Variants in PTPRR observed in about 807,000 individuals in gnomAD.
The protein encoded by PTPRR is receptor-type tyrosine-protein phosphatase R.
PTPRR carries 38 observed loss-of-function variants against 77.2 expected under a neutral mutation model. The observed-to-expected ratio is 0.49, with a 90% CI of 0.38 to 0.65. The LOEUF (loss-of-function observed/expected upper bound fraction) is 0.65. Ranked by LOEUF, PTPRR falls within the 30% of genes least tolerant of loss-of-function variation. PTPRR has a pLI of 0.00. For missense variants in PTPRR, 744 were observed against 799.2 expected (o/e 0.93, Z 0.83); for synonymous variants, 299 against 283.1 (o/e 1.06, Z -0.57).
At chr12:70,688,787 G>A (rs1269487724) in intron 8 of PTPRR, among the ~76,000 whole-genome samples, 1 of 152,146 alleles carries the variant, frequency 6.6e-6, no homozygotes, top group Non-Finnish European at 1.5e-5. Flanking sequence ...AAAACAACTG[G>A]AGTGTCCATC....
chr12:70,771,166 A>T (rs1010679441), intron 2 of PTPRR, among the ~76,000 whole-genome samples: 32 of 79,206 alleles, frequency 4.0e-4, no homozygotes, highest in Non-Finnish European at 6.3e-4. Context: ...ATAATAAATT[A>T]AAAAAAAATA....
At chr12:70,846,867 C>G (rs111394919) in intron 2 of PTPRR, among the ~76,000 whole-genome samples, 49 of 152,252 alleles carry the variant, frequency 3.2e-4, no homozygotes, top group South Asian at 2.5e-3. Flanking sequence ...AGATAGGCAT[C>G]TGTCTTTCCT....
chr12:70,825,714 G>C (rs1892096650), intron 2 of PTPRR, among the ~76,000 whole-genome samples: 1 of 152,168 alleles, frequency 6.6e-6, no homozygotes, highest in South Asian at 2.1e-4. Context: ...TGGGCTCCCT[G>C]TCGCCTCATT....
intron 1 of PTPRR, 48 bp downstream of exon 1, chr12:70,920,285 T>C (rs761288555): frequency 4.4e-5 from 69 of 1,568,964 alleles, no homozygotes; most frequent in Non-Finnish European, 5.8e-5. Flanking sequence ...GCATGTGCAG[T>C]TTCCCATCTC....
intron 2 of PTPRR, among the ~76,000 whole-genome samples, chr12:70,843,069 A>G (rs1222087521): frequency 1.3e-5 from 2 of 152,218 alleles, no homozygotes; most frequent in Non-Finnish European, 2.9e-5. Flanking sequence ...ATGAAAAAAC[A>G]AAGACATACT....
At chr12:70,801,719 C>A (rs1251815158) in intron 2 of PTPRR, among the ~76,000 whole-genome samples, 1 of 151,734 alleles carries the variant, frequency 6.6e-6, no homozygotes, top group Non-Finnish European at 1.5e-5. Flanking sequence ...CCTCCATAAC[C>A]ACATGAGCCA....
chr12:70,694,694 A>G (rs1016129032), intron 8 of PTPRR, among the ~76,000 whole-genome samples: 2 of 152,074 alleles, frequency 1.3e-5, no homozygotes, highest in Non-Finnish European at 2.9e-5. Flanking sequence ...AAATCTTCCT[A>G]TTGGGTACTA....
intron 2 of PTPRR, among the ~76,000 whole-genome samples, chr12:70,766,282 TGTATAACTA>T (rs1285894539): frequency 6.6e-6 from 1 of 152,074 alleles, no homozygotes; most frequent in African/African-American, 2.4e-5. Flanking sequence ...TTTAGACAAA[TGTATAACTA>T]GAATAACCAA....
intron 1 of PTPRR, among the ~76,000 whole-genome samples, chr12:70,919,673 G>GTTTTTTTTTTTTTTTTT (rs58439089): frequency 1.8e-5 from 2 of 110,082 alleles, no homozygotes; most frequent in African/African-American, 3.1e-5. Flanking sequence ...AACTGTAATT[G>GTTTTTTTTTTTTTTTTT]TTTTTTTTTT....
chr12:70,648,002 C>T (rs1886261473), intron 13 of PTPRR, among the ~76,000 whole-genome samples: 1 of 152,058 alleles, frequency 6.6e-6, no homozygotes, highest in Admixed American at 6.5e-5. Context: ...TGTGAACTTC[C>T]TCTCTCTTCA....
At chr12:70,661,298 A>C in intron 11 of PTPRR, 1 of 668,214 alleles carries the variant, frequency 1.5e-6, no homozygotes, top group Non-Finnish European at 2.7e-6. Context: ...CAAAGTGAGA[A>C]AGTCATACCT....
chr12:70,903,776 T>C (rs901813974), intron 1 of PTPRR, among the ~76,000 whole-genome samples: 10 of 151,452 alleles, frequency 6.6e-5, no homozygotes, highest in African/African-American at 2.4e-4. Context: ...AAAGATACTG[T>C]TAAGAAAGGG....
At chr12:70,773,059 T>C (rs1326140469) in intron 2 of PTPRR, among the ~76,000 whole-genome samples, 6 of 152,084 alleles carry the variant, frequency 3.9e-5, no homozygotes, top group African/African-American at 2.4e-5. Flanking sequence ...GATATATTAC[T>C]CTAATCTTTG....
In PTPRR at chr12:70,676,991, A is replaced by G. The variant is rs550933679; in HGVS notation, c.1497+7136T>C. Among the ~76,000 whole-genome samples the G allele has an allele frequency of 3.9e-5, 6 of 151,988 alleles. No individual in the cohort carries two copies. The South Asian group carries it at 6.2e-4, about 16-fold the overall frequency. On this transcript the variant is annotated intron_variant, in intron 10 of 13. Coordinates refer to ENST00000283228, the MANE Select transcript of PTPRR (RefSeq NM_002849.4). ...TTTTGATAGGGAATGCATTGAATCT[A>G]TTGATTGTTTAGCGTAGTATGGACA... is the stretch of plus-strand genomic sequence containing the variant.
chr12:70,701,146 A>C lies in PTPRR; in HGVS notation c.1185T>G (p.Ser395Arg). 1 of 1,613,864 alleles carries C rather than the reference A, an allele frequency of 6.2e-7. No individual in the cohort carries two copies. The highest frequency in any genetic ancestry group is 8.5e-7 in the Non-Finnish European group (1 of 1,179,878). ...DVVASSHLLQSEFMEIPMNFV... is the reference protein window; with the variant it reads ...DVVASSHLLQREFMEIPMNFV... ...TAAATAGAAGGCTCACCATGAATTCACTTTGGAGTAAATGTGAACTTGCCA... is the reference window on the plus strand; with the variant it reads ...TAAATAGAAGGCTCACCATGAATTCCCTTTGGAGTAAATGTGAACTTGCCA... The change falls in exon 7 of 14, where the codon AGT (serine) becomes AGG (arginine). Residue 395 changes from serine (S) to arginine (R), a missense_variant. By Grantham distance (110) the Ser-to-Arg change is moderately radical (BLOSUM62 -1). Transcript: ENST00000283228.
At chr12:70,853,948 G>A (rs767210628) in intron 2 of PTPRR, among the ~76,000 whole-genome samples, 7 of 152,124 alleles carry the variant, frequency 4.6e-5, no homozygotes, top group African/African-American at 1.4e-4. Context: ...ATGTGTGTTT[G>A]TGACTCAACA....
chr12:70,676,396 G>A (rs1301955675), intron 10 of PTPRR, among the ~76,000 whole-genome samples: 1 of 151,552 alleles, frequency 6.6e-6, no homozygotes. Context: ...AATTTTTTAT[G>A]CTTTTTGTGC....
chr12:70,831,589 T>C (rs1311851262), intron 2 of PTPRR, among the ~76,000 whole-genome samples: 1 of 152,196 alleles, frequency 6.6e-6, no homozygotes, highest in Non-Finnish European at 1.5e-5. Context: ...TGTTCTGTTG[T>C]TACAAATGCT....
At chr12:70,917,078 T>G (rs761217618) in intron 1 of PTPRR, among the ~76,000 whole-genome samples, 11 of 152,204 alleles carry the variant, frequency 7.2e-5, no homozygotes, top group Non-Finnish European at 1.6e-4. Context: ...AAATGGAATA[T>G]GCTTCTTTGG....
Sources: gnomAD v4.1 joint callset for allele counts (sites outside exome capture counted in the v4.1 genomes callset) on GRCh38, gnomAD v4.1.1 for gene constraint, MANE v1.5 for transcripts, NCBI Gene and HGNC (gene_info 2026-07-23, HGNC 2026-07-21) for gene names.